Variants in TRMT9B observed in about 807,000 individuals in gnomAD.
TRMT9B encodes the protein tRNA methyltransferase 9B (putative), also known as probable tRNA methyltransferase 9B.
TRMT9B carries 16 observed loss-of-function variants against 11.5 expected under a neutral mutation model. The ratio of observed to expected loss-of-function variants is 1.39; its 90% CI spans 0.94 to 2.11. The LOEUF (loss-of-function observed/expected upper bound fraction) is 2.11, where lower values mean the gene tolerates loss of function less well. Ranked by LOEUF, TRMT9B falls within the 30% of genes most tolerant of loss-of-function variation. The pLI, the probability that TRMT9B is intolerant of heterozygous loss-of-function variation, is 0.00. For missense variants in TRMT9B, 941 were observed against 553.8 expected (o/e 1.70, Z -7.02); for synonymous variants, 274 against 192.4 (o/e 1.42, Z -3.51).
rs540411472 is a variant in TRMT9B, at chr8:12,956,105, A to G, written c.-200+10139A>G. ...CTTCTTACGCTACTCATCTCCCTGC[A>G]AGAACACTGTGCCCAGAACCCTAGC... On this transcript the variant is annotated intron_variant, in intron 1 of 4. Transcript: ENST00000524591. Among the ~76,000 whole-genome samples the G allele has an allele frequency of 5.3e-5, 8 of 152,306 alleles. No individual in the cohort carries two copies. The South Asian group carries it at 1.7e-3, about 32-fold the overall frequency.
intron 1 of TRMT9B, among the ~76,000 whole-genome samples, chr8:12,963,245 A>G (rs1203209457): frequency 2.0e-5 from 3 of 152,154 alleles, no homozygotes; most frequent in Non-Finnish European, 4.4e-5. Flanking sequence ...CAGCTGGCCA[A>G]TATAGTGAAA....
At chr8:12,997,697 G>A (rs919314504) in intron 2 of TRMT9B, among the ~76,000 whole-genome samples, 3 of 152,114 alleles carry the variant, frequency 2.0e-5, no homozygotes, top group Admixed American at 2.0e-4. Context: ...TGCTTCTTTG[G>A]ATATTCTAGC....
intron 1 of TRMT9B, among the ~76,000 whole-genome samples, chr8:12,956,215 G>A (rs908669448): frequency 1.3e-5 from 2 of 152,160 alleles, no homozygotes; most frequent in African/African-American, 4.8e-5. Context: ...AGGAGTGAAT[G>A]TTCTGTGACA....
chr8:12,977,695 G>C (rs1001807704), intron 1 of TRMT9B, among the ~76,000 whole-genome samples: 18 of 151,902 alleles, frequency 1.2e-4, no homozygotes, highest in African/African-American at 3.9e-4. Context: ...GCAAGACTCT[G>C]TCTCAAAAAC....
intron 4 of TRMT9B, among the ~76,000 whole-genome samples, chr8:13,020,227 T>C (rs1191912016): frequency 6.6e-6 from 1 of 152,214 alleles, no homozygotes; most frequent in Non-Finnish European, 1.5e-5. Context: ...TATTGGTGCA[T>C]CTATGTAGGG....
chr8:12,982,640 C>T (rs1367405976), intron 1 of TRMT9B, among the ~76,000 whole-genome samples: 1 of 150,316 alleles, frequency 6.7e-6, no homozygotes, highest in Non-Finnish European at 1.5e-5. Context: ...CCAGCCTGGG[C>T]AACAGAGAGA....
chr8:13,007,205 T>A (rs1171868103), intron 3 of TRMT9B: 1 of 152,270 alleles, frequency 6.6e-6, no homozygotes, highest in Non-Finnish European at 1.5e-5. Flanking sequence ...TAATATCTTA[T>A]GAATCTCATG....
intron 2 of TRMT9B, among the ~76,000 whole-genome samples, chr8:13,000,719 T>G (rs1387121332): frequency 6.6e-6 from 1 of 152,210 alleles, no homozygotes; most frequent in African/African-American, 2.4e-5. Flanking sequence ...AGGTAAGATA[T>G]TACAACACTA....
intron 1 of TRMT9B, among the ~76,000 whole-genome samples, chr8:12,971,061 G>C (rs1416015389): frequency 6.6e-6 from 1 of 152,180 alleles, no homozygotes; most frequent in Non-Finnish European, 1.5e-5. Context: ...TATACAATAT[G>C]TGATGATTAA....
intron 1 of TRMT9B, among the ~76,000 whole-genome samples, chr8:12,986,111 C>G (rs1048123292): frequency 1.3e-5 from 2 of 152,158 alleles, no homozygotes; most frequent in African/African-American, 2.4e-5. Flanking sequence ...ATCTGCCTAT[C>G]CCGGCCTCCC....
intron 1 of TRMT9B, among the ~76,000 whole-genome samples, chr8:12,973,355 A>G (rs1476536965): frequency 1.3e-5 from 2 of 152,108 alleles, no homozygotes; most frequent in South Asian, 2.1e-4. Context: ...CCTCAAGTCA[A>G]GTGACAGGGG....
intron 3 of TRMT9B, chr8:13,012,007 T>G: frequency 1.0e-6 from 1 of 985,398 alleles, no homozygotes; most frequent in Non-Finnish European, 1.2e-6. Flanking sequence ...CATGCGTATA[T>G]ACAAAATGAA....
chr8:13,016,287 G>C (rs1386854002), intron 4 of TRMT9B, among the ~76,000 whole-genome samples: 1 of 96,082 alleles, frequency 1.0e-5, no homozygotes, highest in Non-Finnish European at 2.2e-5. Flanking sequence ...AAATATATTT[G>C]TGTGTTTATA....
chr8:12,991,205 G>C (rs919202849), intron 2 of TRMT9B, among the ~76,000 whole-genome samples, 174 bp downstream of exon 2: 1 of 152,178 alleles, frequency 6.6e-6, no homozygotes, highest in Admixed American at 6.5e-5. Context: ...TTTGAAAGTA[G>C]TTGTACAGGG....
At chr8:13,001,242 T>G (rs1809384007) in intron 2 of TRMT9B, among the ~76,000 whole-genome samples, 1 of 152,196 alleles carries the variant, frequency 6.6e-6, no homozygotes, top group Non-Finnish European at 1.5e-5. Context: ...GTCTTTTAGT[T>G]CAAATTCTCA....
intron 1 of TRMT9B, among the ~76,000 whole-genome samples, chr8:12,967,961 T>A (rs949463730): frequency 1.3e-5 from 2 of 152,318 alleles, no homozygotes; most frequent in Middle Eastern, 3.4e-3. Context: ...AGTGGCACGA[T>A]CTTGGCTCAC....
At chr8:13,007,320 T>A (rs1810665491) in intron 3 of TRMT9B, 1 of 152,224 alleles carries the variant, frequency 6.6e-6, no homozygotes, top group Non-Finnish European at 1.5e-5. Flanking sequence ...GTTGGTTCAG[T>A]ATCTTCGTAA....
chr8:12,962,665 A>G (rs892672321), intron 1 of TRMT9B, among the ~76,000 whole-genome samples: 2 of 151,876 alleles, frequency 1.3e-5, no homozygotes, highest in East Asian at 3.9e-4. Context: ...TAATTTTTAT[A>G]TTTTTTGTAG....
At chr8:12,989,203 A>G (rs1358498966) in intron 1 of TRMT9B, among the ~76,000 whole-genome samples, 1 of 152,160 alleles carries the variant, frequency 6.6e-6, no homozygotes, top group African/African-American at 2.4e-5. Flanking sequence ...GCCCTAGAAG[A>G]TGGCCTCCTG....
Sources: gnomAD v4.1 joint callset for allele counts (sites outside exome capture counted in the v4.1 genomes callset) on GRCh38, gnomAD v4.1.1 for gene constraint, MANE v1.5 for transcripts, NCBI Gene and HGNC (gene_info 2026-07-23, HGNC 2026-07-21) for gene names.